The following SPATS1 variants were observed in gnomAD, a reference collection of about 807,000 sequenced individuals.
The protein encoded by SPATS1 is spermatogenesis-associated serine-rich protein 1.
In SPATS1, 23 loss-of-function variants were observed where a neutral mutation model predicts 33.6. That is an observed-to-expected ratio of 0.68 (90% CI 0.49 to 0.97). The LOEUF is 0.97. Ranked by LOEUF, SPATS1 falls within the 50% of genes least tolerant of loss-of-function variation. The pLI is 0.00. For missense variants in SPATS1, 327 were observed against 361.0 expected, an observed-to-expected ratio of 0.91 and a Z score of 0.76; for synonymous variants, 131 against 125.6, an observed-to-expected ratio of 1.04 and a Z score of -0.29.
chr6:44,365,725 A>C (rs933166290), intron 5 of SPATS1, among the ~76,000 whole-genome samples: 5 of 152,222 alleles, frequency 3.3e-5, no homozygotes, highest in African/African-American at 1.2e-4. Context: ...GGGGCAGAGT[A>C]AGTTATTTGG....
chr6:44,349,685 A>T (rs1219287334), intron 2 of SPATS1, among the ~76,000 whole-genome samples: 1 of 152,222 alleles, frequency 6.6e-6, no homozygotes, highest in Non-Finnish European at 1.5e-5. Flanking sequence ...CAGCATATGC[A>T]TTCAAGGCCC....
intron 2 of SPATS1, among the ~76,000 whole-genome samples, chr6:44,347,903 C>A (rs924630862): frequency 1.3e-5 from 2 of 151,988 alleles, no homozygotes; most frequent in African/African-American, 2.4e-5. Flanking sequence ...GCTATGTAAC[C>A]CTGAACAAGT....
At chr6:44,368,295 T>A (rs1789367123) in intron 5 of SPATS1, 84 bp from the exon 6 acceptor site, 1 of 1,346,146 alleles carries the variant, frequency 7.4e-7, no homozygotes, top group Admixed American at 2.1e-5. Flanking sequence ...AATATCCTCT[T>A]TCCATTGTCA....
chr6:44,372,252 CAAA>C (rs1202728244), intron 7 of SPATS1, among the ~76,000 whole-genome samples: 4 of 80,628 alleles, frequency 5.0e-5, no homozygotes, highest in Admixed American at 2.9e-4. Context: ...GACTCCATCT[CAAA>C]AAAAAAAAAA....
At chr6:44,358,166 G>A (rs1034308881) in intron 3 of SPATS1, among the ~76,000 whole-genome samples, 1 of 152,148 alleles carries the variant, frequency 6.6e-6, no homozygotes, top group African/African-American at 2.4e-5. Flanking sequence ...CTACATCACA[G>A]GATTGTTAGT....
intron 5 of SPATS1, among the ~76,000 whole-genome samples, chr6:44,363,425 G>A (rs780110986): frequency 2.5e-4 from 38 of 152,188 alleles, no homozygotes; most frequent in Non-Finnish European, 3.7e-4. Context: ...TATTACAGGT[G>A]TGAGCCACTG....
chr6:44,367,007 C>T (rs1789289222), intron 5 of SPATS1, among the ~76,000 whole-genome samples: 1 of 152,164 alleles, frequency 6.6e-6, no homozygotes, highest in Admixed American at 6.5e-5. Context: ...AAACTCTTCC[C>T]ACCACCTCTT....
intron 1 of SPATS1, 113 bp downstream of exon 1, chr6:44,342,881 T>C: frequency 1.6e-6 from 2 of 1,287,880 alleles, no homozygotes; most frequent in South Asian, 1.3e-5. Context: ...GCAGCGAGCC[T>C]GGTTCGGGCT....
Position 44,376,920 on chromosome 6 carries a change from C to G in SPATS1, c.875-115C>G, listed in dbSNP as rs972196428. The G allele has an allele frequency of 1.6e-5, 18 of 1,159,876 alleles. No individual in the cohort carries two copies. The Admixed American group carries it at 2.4e-4, about 15-fold the overall frequency. The allele number at this position is 1,159,876 out of a possible 1,614,324, so 71.8% of individuals were successfully genotyped here. ...CCTGGAGTGGATGTGTCTTCTGTCC[C>G]GAGGTGGTCTCATGGGCAGATGTCA... is the stretch of plus-strand genomic sequence containing the variant. On this transcript the variant is annotated intron_variant, in intron 8 of 8. Coordinates refer to ENST00000674044, the MANE Select transcript of SPATS1 (RefSeq NM_001372081.1).
intron 2 of SPATS1, 24 bp from the exon 3 acceptor site, chr6:44,352,702 A>C: frequency 6.2e-7 from 1 of 1,607,072 alleles, no homozygotes; most frequent in Non-Finnish European, 8.5e-7. Context: ...AATGTAATTA[A>C]ATGGTGATAT....
rs142603784 is a variant in SPATS1, at chr6:44,346,426, C to G, written c.139+3192C>G. ...TCTGAGATGGGGTCTCACTCTGTCA[C>G]CCAGGTTGGAGTGCAGTGGTATGAT... On this transcript the variant is annotated intron_variant, in intron 2 of 8. Transcript: ENST00000674044. 1.8e-4 allele frequency among the ~76,000 whole-genome samples: 28 copies of G among 152,262 alleles called. No homozygotes were observed. In the East Asian group the frequency reaches 5.4e-3, roughly 29 times the overall value.
chr6:44,364,557 GTA>G (rs3083981), intron 5 of SPATS1, among the ~76,000 whole-genome samples: 108,263 of 151,706 alleles, frequency 0.71, 38,961 homozygotes, highest in Middle Eastern at 0.78. Flanking sequence ...ATTCGTTTTA[GTA>G]TATGATTACT....
chr6:44,344,389 A>ATGTGTGTGTGTGTGTG (rs200916956), intron 2 of SPATS1, among the ~76,000 whole-genome samples: 1 of 124,698 alleles, frequency 8.0e-6, no homozygotes, highest in Non-Finnish European at 1.6e-5. Context: ...AATTGAAGAT[A>ATGTGTGTGTGTGTGTG]CGTGTGTGTG....
At chr6:44,363,608 C>A (rs1338769459) in intron 5 of SPATS1, among the ~76,000 whole-genome samples, 1 of 151,650 alleles carries the variant, frequency 6.6e-6, no homozygotes, top group African/African-American at 2.4e-5. Context: ...CTTTCTTTTT[C>A]TTTCTTCTCC....
At chr6:44,367,097 T>C (rs1789295479) in intron 5 of SPATS1, among the ~76,000 whole-genome samples, 1 of 152,160 alleles carries the variant, frequency 6.6e-6, no homozygotes, top group Non-Finnish European at 1.5e-5. Context: ...ATTAATTGAT[T>C]AAATTGTTGA....
intron 6 of SPATS1, among the ~76,000 whole-genome samples, chr6:44,369,118 G>C (rs547392248): frequency 1.3e-4 from 20 of 152,142 alleles, no homozygotes; most frequent in East Asian, 5.8e-4. Flanking sequence ...GGATGGTCTT[G>C]ATCTCCTGAC....
In SPATS1 at chr6:44,361,913, C is replaced by T. The variant is rs1788945853; in HGVS notation, c.495C>T (p.Phe165=). 1.9e-6 allele frequency: 3 copies of T among 1,614,228 alleles called. No homozygotes were observed. The highest frequency in any genetic ancestry group is 1.7e-6 in the Non-Finnish European group (2 of 1,180,038). ...CCTACCACGTCGGAAAGCAGTGCTTCTTTAATGGAGTCTTCCTCGGCAACA... is the reference window on the plus strand; with the variant it reads ...CCTACCACGTCGGAAAGCAGTGCTTTTTTAATGGAGTCTTCCTCGGCAACA... ...IHTYHVGKQC[F]FNGVFLGNKR... The change falls in exon 5 of 9, where the codon TTC becomes TTT. Residue 165 remains phenylalanine (F), a synonymous_variant. Transcript: ENST00000674044.
At chr6:44,346,105 A>G (rs2153364655) in intron 2 of SPATS1, among the ~76,000 whole-genome samples, 1 of 152,120 alleles carries the variant, frequency 6.6e-6, no homozygotes, top group Non-Finnish European at 1.5e-5. Flanking sequence ...ACATGGTGAG[A>G]CCCCATCTCT....
intron 1 of SPATS1, 62 bp downstream of exon 1, chr6:44,342,830 C>T: frequency 1.8e-6 from 2 of 1,095,664 alleles, no homozygotes; most frequent in Admixed American, 2.2e-5. Context: ...GGGAAGACCC[C>T]GAGGTGGAAA....
Sources: gnomAD v4.1 joint callset for allele counts (sites outside exome capture counted in the v4.1 genomes callset) on GRCh38, gnomAD v4.1.1 for gene constraint, MANE v1.5 for transcripts, NCBI Gene and HGNC (gene_info 2026-07-23, HGNC 2026-07-21) for gene names.